TBC1D2B: variants seen among roughly 807,000 people sequenced by gnomAD.
TBC1D2B encodes the protein TBC1 domain family member 2B, also known as TBC1 domain family, member 2B.
TBC1D2B carries 64 observed loss-of-function variants against 100.8 expected under a neutral mutation model. The ratio of observed to expected loss-of-function variants is 0.64; its 90% CI spans 0.52 to 0.78. The LOEUF (loss-of-function observed/expected upper bound fraction) is 0.78. Among genes scored for constraint, TBC1D2B ranks in the 30% least tolerant of loss-of-function variants. The pLI is 0.00. For missense variants in TBC1D2B, 1,052 were observed against 1,218.4 expected (o/e 0.86, Z 2.03); for synonymous variants, 480 against 479.7 (o/e 1.00, Z -0.01).
intron 1 of TBC1D2B, among the ~76,000 whole-genome samples, chr15:78,054,608 A>G (rs942434372): frequency 2.6e-5 from 4 of 152,232 alleles, no homozygotes; most frequent in Non-Finnish European, 5.9e-5. Flanking sequence ...AGCATCTGAG[A>G]GTATACAAAG....
rs1336424500 is a variant in TBC1D2B at position 78,025,336 on chromosome 15, C to T, written c.1009G>A (p.Ala337Thr). 2 of 1,613,922 alleles carry T rather than the reference C, an allele frequency of 1.2e-6. No individual in the cohort carries two copies. The highest frequency in any genetic ancestry group is 8.5e-7 in the Non-Finnish European group (1 of 1,179,880). ...GSGSVSIRKP[A>T]SEMQLQVQSQ... ...TGGACCTGCAGTTGCATTTCGGAGGCCGGCTTCCTGATGCTGACGCTGCCA... is the reference window on the plus strand; with the variant it reads ...TGGACCTGCAGTTGCATTTCGGAGGTCGGCTTCCTGATGCTGACGCTGCCA... The change falls in exon 5 of 13, where the codon GCC (alanine) becomes ACC (threonine). Residue 337 changes from alanine (A) to threonine (T), a missense_variant. Physicochemically the swap from Ala to Thr is moderately conservative, Grantham distance 58. Coordinates refer to ENST00000300584, the MANE Select transcript of TBC1D2B (RefSeq NM_144572.2).
At chr15:78,047,486 G>C (rs989329467) in intron 2 of TBC1D2B, among the ~76,000 whole-genome samples, 11 of 152,138 alleles carry the variant, frequency 7.2e-5, no homozygotes, top group Admixed American at 5.9e-4. Flanking sequence ...TGAGTCTTAG[G>C]GTTCCAGGAG....
chr15:78,002,173 G>C (rs1365110815), intron 11 of TBC1D2B, among the ~76,000 whole-genome samples: 1 of 152,088 alleles, frequency 6.6e-6, no homozygotes, highest in East Asian at 1.9e-4. Context: ...GATAGCGAAG[G>C]AGTTTTTTTT....
intron 3 of TBC1D2B, among the ~76,000 whole-genome samples, chr15:78,032,421 T>C (rs1039624467): frequency 1.3e-5 from 2 of 151,256 alleles, no homozygotes; most frequent in Admixed American, 6.6e-5. Context: ...AAAAAAAATA[T>C]ATATATATAT....
intron 1 of TBC1D2B, among the ~76,000 whole-genome samples, chr15:78,071,685 GTA>G (rs2073744951): frequency 6.6e-6 from 1 of 152,206 alleles, no homozygotes; most frequent in Non-Finnish European, 1.5e-5. Context: ...TAATACACCT[GTA>G]TATTTGGGAG....
chr15:78,052,051 C>T (rs2073324545), intron 2 of TBC1D2B, among the ~76,000 whole-genome samples: 1 of 152,174 alleles, frequency 6.6e-6, no homozygotes, highest in Non-Finnish European at 1.5e-5. Flanking sequence ...TCCAAAATCC[C>T]AAGACCAGCA....
chr15:78,044,779 T>C lies in TBC1D2B; in HGVS notation c.683+121A>G, dbSNP rs940954215. The C allele has an allele frequency of 1.1e-5, 10 of 891,024 alleles. No homozygotes were observed. In the Admixed American group the frequency reaches 1.7e-4, roughly 16 times the overall value. 55.2% of individuals were successfully genotyped at this position (891,024 alleles called of 1,614,324 possible). On this transcript the variant is annotated intron_variant, in intron 3 of 12. Transcript: ENST00000300584. ...CACAATGATCTATGGGAAAGTATGA[T>C]GTAAACAACAAAGGCCTTTGTAAGT...
intron 4 of TBC1D2B, among the ~76,000 whole-genome samples, chr15:78,025,785 C>T (rs867562583): frequency 6.6e-6 from 1 of 152,066 alleles, no homozygotes; most frequent in Non-Finnish European, 1.5e-5. Context: ...CTCGGCCTCC[C>T]GAAGTGTTGG....
intron 3 of TBC1D2B, among the ~76,000 whole-genome samples, chr15:78,040,987 G>A (rs2073083508): frequency 6.6e-6 from 1 of 152,134 alleles, no homozygotes; most frequent in African/African-American, 2.4e-5. Context: ...TCTTTCTTGG[G>A]CAAATCACAT....
intron 6 of TBC1D2B, 132 bp from the exon 7 acceptor site, chr15:78,018,089 T>C: frequency 2.0e-6 from 1 of 500,024 alleles, no homozygotes; most frequent in Non-Finnish European, 3.4e-6. Flanking sequence ...TCTAAAGAAC[T>C]AGAAGTTGTT....
chr15:78,049,923 C>A (rs1232930011), intron 2 of TBC1D2B, among the ~76,000 whole-genome samples: 3 of 152,320 alleles, frequency 2.0e-5, no homozygotes, highest in Middle Eastern at 3.4e-3. Context: ...TCTCCCCATG[C>A]TGCCTCTCAG....
chr15:78,025,576 G>C (rs1290112469), intron 4 of TBC1D2B, 79 bp from the exon 5 acceptor site: 2 of 1,104,456 alleles, frequency 1.8e-6, no homozygotes, highest in African/African-American at 3.2e-5. Flanking sequence ...GCCCAGGCTG[G>C]AGTGCAGTGG....
At chr15:78,020,226 A>T (rs1480030174) in intron 6 of TBC1D2B, among the ~76,000 whole-genome samples, 1 of 152,222 alleles carries the variant, frequency 6.6e-6, no homozygotes, top group Non-Finnish European at 1.5e-5. Flanking sequence ...TATTACTAAA[A>T]GGCAGGTCAG....
intron 1 of TBC1D2B, among the ~76,000 whole-genome samples, chr15:78,067,135 T>C (rs1414972704): frequency 2.0e-5 from 3 of 152,236 alleles, no homozygotes; most frequent in Non-Finnish European, 4.4e-5. Context: ...ATATCGTTCA[T>C]GTGTTTGGAG....
At chr15:78,042,770 G>C (rs1220302822) in intron 3 of TBC1D2B, among the ~76,000 whole-genome samples, 2 of 152,220 alleles carry the variant, frequency 1.3e-5, no homozygotes, top group Non-Finnish European at 2.9e-5. Flanking sequence ...CTAATACTGG[G>C]AACAGCTGCC....
At chr15:78,040,247 G>C (rs1406427049) in intron 3 of TBC1D2B, among the ~76,000 whole-genome samples, 1 of 152,224 alleles carries the variant, frequency 6.6e-6, no homozygotes, top group African/African-American at 2.4e-5. Context: ...GATTTGGACT[G>C]TTGAAAAGTT....
chr15:78,013,834 T>C (rs149401299), intron 8 of TBC1D2B, among the ~76,000 whole-genome samples: 3 of 152,252 alleles, frequency 2.0e-5, no homozygotes, highest in African/African-American at 7.2e-5. Flanking sequence ...ATAGGAATGT[T>C]GTTAATGGAA....
At chr15:78,069,261 T>C (rs2073709245) in intron 1 of TBC1D2B, among the ~76,000 whole-genome samples, 1 of 152,106 alleles carries the variant, frequency 6.6e-6, no homozygotes, top group South Asian at 2.1e-4. Flanking sequence ...GAGAAGTCAA[T>C]GCCGGGGGCC....
intron 10 of TBC1D2B, among the ~76,000 whole-genome samples, chr15:78,006,773 G>A (rs1271471449): frequency 6.6e-6 from 1 of 152,222 alleles, no homozygotes; most frequent in Non-Finnish European, 1.5e-5. Flanking sequence ...CTGCTGGCAC[G>A]GGGCCAGGGC....
Sources: allele counts gnomAD v4.1 joint callset (sites outside exome capture counted in the v4.1 genomes callset), GRCh38; gene constraint gnomAD v4.1.1; transcripts MANE v1.5; gene names NCBI Gene and HGNC (gene_info 2026-07-23, HGNC 2026-07-21).